RBBP6: variants seen among roughly 807,000 people sequenced by gnomAD.
RBBP6 encodes the protein E3 ubiquitin-protein ligase RBBP6.
Under a neutral mutation model 167.7 loss-of-function variants are expected in RBBP6, and 25 were observed. The observed-to-expected ratio is 0.15, with a 90% CI of 0.11 to 0.21. The LOEUF (loss-of-function observed/expected upper bound fraction) is 0.21, where lower values mean the gene tolerates loss of function less well. Ranked by LOEUF, RBBP6 falls within the 10% of genes least tolerant of loss-of-function variation. RBBP6 has a pLI of 1.00. For synonymous variants in RBBP6, 789 were observed against 735.8 expected, an observed-to-expected ratio of 1.07 and a Z score of -1.17; for missense variants, 1,868 against 2,134.2, an observed-to-expected ratio of 0.88 and a Z score of 2.46.
At chr16:24,563,388 T>TA (rs1260337595) in intron 11 of RBBP6, 35 bp from the exon 12 acceptor site, 3 of 1,450,268 alleles carry the variant, frequency 2.1e-6, no homozygotes, top group African/African-American at 2.9e-5. Context: ...TTTTTTTTTT[T>TA]AACTATTTCT....
chr16:24,561,543 TTTAA>T (rs1229586154), intron 8 of RBBP6, 65 bp from the exon 9 acceptor site: 1 of 1,308,436 alleles, frequency 7.6e-7, no homozygotes, highest in Non-Finnish European at 1.1e-6. Flanking sequence ...GGACCATCCT[TTTAA>T]TTCATTTCGT....
chr16:24,544,770 G>A lies in RBBP6; in HGVS notation c.167-1393G>A, dbSNP rs1748115522. Among the ~76,000 whole-genome samples, 5 of 152,274 alleles carry A rather than the reference G, an allele frequency of 3.3e-5. No individual in the cohort carries two copies. In the South Asian group the frequency reaches 1.0e-3, roughly 32 times the overall value. On this transcript the variant is annotated intron_variant, in intron 1 of 17. Transcript: ENST00000319715. Reference sequence around the variant, plus strand: ...ACAAGTATTGCAAATAGCCCAAGGAGTGTAAAAATAGGATCCATTCTTCTC... The same window carrying A: ...ACAAGTATTGCAAATAGCCCAAGGAATGTAAAAATAGGATCCATTCTTCTC...
Position 24,567,521 on chromosome 16 carries a change from T to G in RBBP6, c.1952+16T>G, listed in dbSNP as rs547745786. On this transcript the variant is annotated intron_variant, in intron 15 of 17. Transcript: ENST00000319715. ...TAAAAGAAGAGTATGTATTCTAATT[T>G]GAAATTATTATACACTTTTTTCATT... is the stretch of plus-strand genomic sequence containing the variant. 1.3e-6 allele frequency: 2 copies of G among 1,579,382 alleles called. No homozygotes were observed. The highest frequency in any genetic ancestry group is 3.8e-5 in the Admixed American group (2 of 53,252).
At position 24,571,338 on chromosome 16, in the gene RBBP6, G is replaced by A; in HGVS notation, c.4272G>A (p.Gln1424=). 3 of 1,614,110 alleles carry A rather than the reference G, an allele frequency of 1.9e-6. No homozygotes were observed. Among genetic ancestry groups the A allele is most frequent in the Middle Eastern group, 1.6e-4 (1 of 6,062 alleles). ...ENPEKRKNST[Q]PEKESNLDRL... ...CTGAAAAGAGGAAGAACAGCACTCA[G>A]CCAGAGAAAGAGAGTAATTTGGACC... Residue 1424 remains glutamine (Q), a synonymous_variant, in exon 18 of 18, where the codon CAG becomes CAA. Transcript: ENST00000319715.
chr16:24,570,998 T>C lies in RBBP6; in HGVS notation c.3932T>C (p.Ile1311Thr), dbSNP rs1899314013. The change falls in exon 18 of 18, where the codon ATC (isoleucine) becomes ACC (threonine). Residue 1311 changes from isoleucine to threonine, a missense_variant. Physicochemically the swap from Ile to Thr is moderately conservative, Grantham distance 89. Coordinates refer to ENST00000319715, the MANE Select transcript of RBBP6 (RefSeq NM_006910.5). ...NDNTAPAEDVIIMIQVPQSKW... is the reference protein window; with the variant it reads ...NDNTAPAEDVTIMIQVPQSKW... ...AATACCGCGCCAGCTGAAGATGTTA[T>C]CATTATGATTCAGGTTCCTCAATCC... 6.2e-7 allele frequency: 1 copy of C among 1,612,756 alleles called. No homozygotes were observed. The highest frequency in any genetic ancestry group is 8.5e-7 in the Non-Finnish European group (1 of 1,178,800).
chr16:24,548,729 A>AT (rs1249062670), intron 2 of RBBP6, among the ~76,000 whole-genome samples: 1 of 152,118 alleles, frequency 6.6e-6, no homozygotes, highest in Non-Finnish European at 1.5e-5. Context: ...CTAGTATGGA[A>AT]TTTTTTTCCA....
In RBBP6 at chr16:24,556,409, T is replaced by C; in HGVS notation, c.636T>C (p.Leu212=). ...ATCCTAATATGAAAGGTGCAATGCT[T>C]ACCAACACTGGAAAATATGCAATAC... ...VKDPNMKGAM[L]TNTGKYAIPT... The change falls in exon 7 of 18, where the codon CTT becomes CTC. Residue 212 remains leucine (L), a synonymous_variant. Transcript: ENST00000319715. 1 of 1,610,934 alleles carries C rather than the reference T, an allele frequency of 6.2e-7. No individual in the cohort carries two copies. Among genetic ancestry groups the C allele is most frequent in the Non-Finnish European group, 8.5e-7 (1 of 1,177,378 alleles).
At position 24,572,247 on chromosome 16, in the gene RBBP6, G is replaced by A; in HGVS notation, c.5181G>A (p.Lys1727=). ...GCTCAGCAGAAAGTCAGGACAGCAA[G>A]AAGAAGAAGAAAAAGAAGGAAAAGA... is the stretch of plus-strand genomic sequence containing the variant. ...SASSAESQDS[K]KKKKKKEKKK... Residue 1727 remains lysine (K), a synonymous_variant, in exon 18 of 18, where the codon AAG becomes AAA. Transcript: ENST00000319715. 1 of 1,604,094 alleles carries A rather than the reference G, an allele frequency of 6.2e-7. No individual in the cohort carries two copies. The highest frequency in any genetic ancestry group is 8.5e-7 in the Non-Finnish European group (1 of 1,175,058).
rs772821759 is a variant in RBBP6, at chr16:24,569,560, C to A, written c.2870C>A (p.Ser957Tyr). Residue 957 changes from serine (S) to tyrosine (Y), a missense_variant, in exon 17 of 18, where the codon TCT becomes TAT. This residue lies in a region of RBBP6 where 673 missense variants were observed against 691.5 expected (regional missense o/e 0.97). Transcript: ENST00000319715. Reference sequence around the variant, plus strand: ...CTGAACCCAGAGTTATTAGAGACTTCTAGGAAATCAAGAGAACCTACAGGT... The same window carrying A: ...CTGAACCCAGAGTTATTAGAGACTTATAGGAAATCAAGAGAACCTACAGGT... ...GFLNPELLET[S>Y]RKSREPTGVE... 2.5e-6 allele frequency: 4 copies of A among 1,612,258 alleles called. No individual in the cohort carries two copies. The South Asian group carries it at 4.4e-5, about 18-fold the overall frequency.
At chr16:24,544,127 C>T (rs943844411) in intron 1 of RBBP6, among the ~76,000 whole-genome samples, 2 of 152,160 alleles carry the variant, frequency 1.3e-5, no homozygotes, top group Non-Finnish European at 2.9e-5. Flanking sequence ...CGGTGCTAAT[C>T]AAATTAATAA....
chr16:24,549,075 A>G (rs766732912), intron 3 of RBBP6, 94 bp downstream of exon 3: 3 of 1,555,002 alleles, frequency 1.9e-6, no homozygotes, highest in African/African-American at 1.4e-5. Context: ...TTAATATCCA[A>G]CTGATCATAG....
intron 10 of RBBP6, among the ~76,000 whole-genome samples, chr16:24,562,810 G>A (rs955323776): frequency 2.0e-5 from 3 of 152,064 alleles, no homozygotes; most frequent in African/African-American, 2.4e-5. Flanking sequence ...TTGGTTGATA[G>A]TGGAAATAGG....
chr16:24,569,297 C>T lies in RBBP6; in HGVS notation c.2607C>T (p.Asn869=), dbSNP rs1899267688. Residue 869 remains asparagine, a synonymous_variant, in exon 17 of 18, where the codon AAC becomes AAT. Coordinates refer to ENST00000319715, the MANE Select transcript of RBBP6 (RefSeq NM_006910.5). ...NFSPERFLPL[N]IRNSPFTRGR... is the part of the protein sequence containing the mutation. Reference sequence around the variant, plus strand: ...CTCCAGAGAGATTTTTGCCACTTAACATCAGGAATTCTCCCTTCACAAGAG... The same window carrying T: ...CTCCAGAGAGATTTTTGCCACTTAATATCAGGAATTCTCCCTTCACAAGAG... The T allele has an allele frequency of 4.3e-6, 7 of 1,612,080 alleles. No homozygotes were observed. The South Asian group carries it at 4.4e-5, about 10-fold the overall frequency.
intron 8 of RBBP6, among the ~76,000 whole-genome samples, chr16:24,560,559 C>T (rs996093148): frequency 6.6e-6 from 1 of 152,188 alleles, no homozygotes; most frequent in African/African-American, 2.4e-5. Context: ...CTCAAGCCTG[C>T]TCTGGCCTTT....
chr16:24,553,650 G>T, intron 4 of RBBP6, 93 bp downstream of exon 4: 1 of 1,015,762 alleles, frequency 9.8e-7, no homozygotes, highest in Non-Finnish European at 1.4e-6. Context: ...GTTGGGGGAG[G>T]ACATATTTTG....
rs756200208 is a variant in RBBP6, at chr16:24,562,012, A to G, written c.1140A>G (p.Pro380=). Reference sequence around the variant, plus strand: ...CAGTGACATCTTCATCAACTCACCCAGCTCCGTCTATATCTTCATTAACTT... The same window carrying G: ...CAGTGACATCTTCATCAACTCACCCGGCTCCGTCTATATCTTCATTAACTT... ...MIPVTSSSTH[P]APSISSLTSN... is the part of the protein sequence containing the mutation. Residue 380 remains proline (P), a synonymous_variant, in exon 10 of 18, where the codon CCA becomes CCG. Coordinates refer to ENST00000319715, the MANE Select transcript of RBBP6 (RefSeq NM_006910.5). The G allele has an allele frequency of 1.2e-6, 2 of 1,613,334 alleles. No individual in the cohort carries two copies. The highest frequency in any genetic ancestry group is 1.7e-6 in the Non-Finnish European group (2 of 1,179,546).
At chr16:24,548,324 T>A (rs550145430) in intron 2 of RBBP6, among the ~76,000 whole-genome samples, 1 of 151,714 alleles carries the variant, frequency 6.6e-6, no homozygotes, top group East Asian at 1.9e-4. Context: ...TCAGTTTTTT[T>A]TTTTTTTCTG....
rs372042341 is a variant in RBBP6, at chr16:24,570,981, G to A, written c.3915G>A (p.Ala1305=). The change falls in exon 18 of 18, where the codon GCG becomes GCA. Residue 1305 remains alanine, a synonymous_variant. Transcript: ENST00000319715. The part of the protein sequence containing the change: ...TMEEYNNDNT[A]PAEDVIIMIQ... ...AAGAATATAATAATGACAATACCGC[G>A]CCAGCTGAAGATGTTATCATTATGA... 5.6e-6 allele frequency: 9 copies of A among 1,611,848 alleles called. No individual in the cohort carries two copies. The highest frequency in any genetic ancestry group is 1.3e-5 in the African/African-American group (1 of 74,884).
intron 2 of RBBP6, among the ~76,000 whole-genome samples, chr16:24,548,656 C>T (rs1898723390): frequency 6.6e-6 from 1 of 152,076 alleles, no homozygotes; most frequent in Non-Finnish European, 1.5e-5. Flanking sequence ...AACATAAAAT[C>T]CCTATACTAC....
Sources: gnomAD v4.1 joint callset for allele counts (sites outside exome capture counted in the v4.1 genomes callset) on GRCh38, gnomAD v4.1.1 for gene constraint, gnomAD v4.1.1 regional missense constraint, MANE v1.5 for transcripts, NCBI Gene and HGNC (gene_info 2026-07-23, HGNC 2026-07-21) for gene names.